Variants in EPAS1 observed in about 807,000 individuals in gnomAD.
EPAS1 encodes the protein endothelial PAS domain-containing protein 1.
Under a neutral mutation model 87.9 loss-of-function variants are expected in EPAS1, and 23 were observed. That is an observed-to-expected ratio of 0.26 (90% CI 0.19 to 0.37). EPAS1 has a LOEUF of 0.37. EPAS1 is among the 10% of genes least tolerant of loss of function. The pLI, the probability that EPAS1 is intolerant of heterozygous loss-of-function variation, is 1.00. For missense variants in EPAS1, 1,138 were observed against 1,120.7 expected, an observed-to-expected ratio of 1.02 and a Z score of -0.22; for synonymous variants, 508 against 444.3, an observed-to-expected ratio of 1.14 and a Z score of -1.80.
intron 14 of EPAS1, 87 bp downstream of exon 14, chr2:46,382,176 C>T (rs1684913831): frequency 7.0e-6 from 9 of 1,286,866 alleles, no homozygotes; most frequent in Non-Finnish European, 8.8e-6. Flanking sequence ...TTCCATTCAC[C>T]ACAGGCCGTA....
chr2:46,377,505 G>A (rs1382882537), intron 9 of EPAS1, among the ~76,000 whole-genome samples: 3 of 152,244 alleles, frequency 2.0e-5, no homozygotes, highest in Non-Finnish European at 4.4e-5. Flanking sequence ...CTGAAACGCA[G>A]CGGGCCCTTG....
At chr2:46,329,253 G>T (rs1393180587) in intron 1 of EPAS1, among the ~76,000 whole-genome samples, 1 of 152,296 alleles carries the variant, frequency 6.6e-6, no homozygotes, top group Non-Finnish European at 1.5e-5. Flanking sequence ...ATCTGGGTGC[G>T]AGGCAACCAC....
Position 46,297,817 on chromosome 2 carries a change from C to T in EPAS1, c.-95C>T. 19 of 1,537,988 alleles carry T rather than the reference C, an allele frequency of 1.2e-5. No homozygotes were observed. The highest frequency in any genetic ancestry group is 1.7e-5 in the Non-Finnish European group (19 of 1,135,896). On this transcript the variant is annotated 5_prime_UTR_variant, in exon 1 of 16. Transcript: ENST00000263734. ...GCGCACCTCGGACCTTCACCACCCG[C>T]CCGGGCCGCGGGGAGCGGACGAGGG...
At chr2:46,353,823 G>A (rs778431256) in intron 2 of EPAS1, among the ~76,000 whole-genome samples, 3 of 152,208 alleles carry the variant, frequency 2.0e-5, no homozygotes, top group Admixed American at 6.5e-5. Flanking sequence ...CAGGCTAGCC[G>A]CCTGAACCAG....
At chr2:46,351,647 T>C (rs769889311) in intron 2 of EPAS1, among the ~76,000 whole-genome samples, 2 of 152,080 alleles carry the variant, frequency 1.3e-5, no homozygotes, top group Non-Finnish European at 2.9e-5. Context: ...AAGGCCCCTG[T>C]GGTGGTCACA....
At chr2:46,333,630 G>A (rs1421712234) in intron 1 of EPAS1, among the ~76,000 whole-genome samples, 2 of 152,126 alleles carry the variant, frequency 1.3e-5, no homozygotes, top group Non-Finnish European at 2.9e-5. Flanking sequence ...TCTGGCTGGA[G>A]TAAGCGTGGA....
intron 2 of EPAS1, among the ~76,000 whole-genome samples, chr2:46,349,656 G>A (rs1457931038): frequency 6.6e-6 from 1 of 152,232 alleles, no homozygotes; most frequent in African/African-American, 2.4e-5. Context: ...GTCCTTGAAG[G>A]AGAAATTCTC....
At chr2:46,299,863 G>A (rs963494381) in intron 1 of EPAS1, among the ~76,000 whole-genome samples, 2 of 152,234 alleles carry the variant, frequency 1.3e-5, no homozygotes, top group African/African-American at 4.8e-5. Context: ...GAAGAACGTT[G>A]CGTAATTAGA....
At chr2:46,364,308 G>A (rs1451560719) in intron 6 of EPAS1, among the ~76,000 whole-genome samples, 3 of 152,162 alleles carry the variant, frequency 2.0e-5, no homozygotes, top group African/African-American at 7.2e-5. Context: ...ATGTATGGCA[G>A]TTAGAATCCA....
At position 46,361,046 on chromosome 2, in the gene EPAS1, G is replaced by A. The variant is rs1188872974; in HGVS notation, c.735G>A (p.Leu245=). The change falls in exon 6 of 16, where the codon CTG becomes CTA. Residue 245 remains leucine (L), a synonymous_variant. Transcript: ENST00000263734. ...MDIPLDSKTF[L]SRHSMDMKFT... is the part of the protein sequence containing the mutation. ...TCCCCCTGGATAGCAAGACCTTCCT[G>A]AGCCGCCACAGCATGGACATGAAGT... The A allele has an allele frequency of 1.9e-6, 3 of 1,614,032 alleles. No homozygotes were observed. The highest frequency in any genetic ancestry group is 3.3e-5 in the Admixed American group (2 of 60,012).
At chr2:46,303,909 T>A (rs543333773) in intron 1 of EPAS1, among the ~76,000 whole-genome samples, 13 of 152,276 alleles carry the variant, frequency 8.5e-5, no homozygotes, top group Admixed American at 7.8e-4. Flanking sequence ...TAGTAAAGGT[T>A]CTGAGGTGCC....
In EPAS1 at chr2:46,380,554, C is replaced by G. The variant is rs1402437703; in HGVS notation, c.1882C>G (p.Leu628Val). 3 of 1,614,068 alleles carry G rather than the reference C, an allele frequency of 1.9e-6. No individual in the cohort carries two copies. The highest frequency in any genetic ancestry group is 1.3e-5 in the African/African-American group (1 of 74,922). The change falls in exon 12 of 16, where the codon CTC becomes GTC. Residue 628 changes from leucine (L) to valine (V), a missense_variant. Physicochemically the swap from Leu to Val is conservative, Grantham distance 32. Around this residue, in one of 4 missense-constraint regions of EPAS1, gnomAD observed 502 missense variants for 427.1 expected, o/e 1.18. Coordinates refer to ENST00000263734, the MANE Select transcript of EPAS1 (RefSeq NM_001430.5). The surrounding 1 kb of genome is among the most constrained non-coding windows in gnomAD (Gnocchi z 4.4). ...GTGCTGTGGCCAGGCCAGCACCCCT[C>G]TCTCTTCCATGGGGGGCAGATCCAA... ...PPCCGQASTP[L>V]SSMGGRSNTQ...
chr2:46,379,061 C>T (rs1684822933), intron 11 of EPAS1, among the ~76,000 whole-genome samples: 1 of 152,232 alleles, frequency 6.6e-6, no homozygotes, highest in South Asian at 2.1e-4. Flanking sequence ...ACAGGCCCTA[C>T]ATTTAACAAG....
intron 1 of EPAS1, among the ~76,000 whole-genome samples, chr2:46,331,674 C>T (rs567016662): frequency 9.2e-5 from 14 of 152,246 alleles, no homozygotes; most frequent in African/African-American, 3.4e-4. Context: ...CAGAAAAGAC[C>T]ACTTCTTAGT....
intron 1 of EPAS1, among the ~76,000 whole-genome samples, chr2:46,340,631 G>A (rs187660506): frequency 6.6e-6 from 1 of 152,202 alleles, no homozygotes; most frequent in African/African-American, 2.4e-5. Context: ...GTGTATTAAA[G>A]CATATTAATG....
intron 2 of EPAS1, among the ~76,000 whole-genome samples, chr2:46,350,151 G>C (rs1055349165): frequency 6.6e-6 from 1 of 152,140 alleles, no homozygotes; most frequent in African/African-American, 2.4e-5. Context: ...TGATGTAAAA[G>C]AAAACCCAGT....
Position 46,360,864 on chromosome 2 carries a change from A to T in EPAS1, c.574-21A>T, listed in dbSNP as rs1208803621. 1 of 1,613,816 alleles carries T rather than the reference A, an allele frequency of 6.2e-7. No homozygotes were observed. The highest frequency in any genetic ancestry group is 8.5e-7 in the Non-Finnish European group (1 of 1,179,888). On this transcript the variant is annotated intron_variant, in intron 5 of 15. Transcript: ENST00000263734. The surrounding 1 kb of genome is among the most constrained non-coding windows in gnomAD (Gnocchi z 4.5). The stretch of plus-strand genomic sequence containing the variant: ...CCCAGCACTCTCGGCTCCATGTCTG[A>T]CCCTTCCACGCCTGTCTCAGGTCTT...
chr2:46,351,551 C>G (rs1325454824), intron 2 of EPAS1, among the ~76,000 whole-genome samples: 1 of 152,122 alleles, frequency 6.6e-6, no homozygotes, highest in South Asian at 2.1e-4. Context: ...CTCTTGCAGT[C>G]TGCACATCCG....
intron 14 of EPAS1, 152 bp downstream of exon 14, chr2:46,382,241 TC>T: frequency 9.5e-7 from 1 of 1,053,186 alleles, no homozygotes; most frequent in Non-Finnish European, 1.4e-6. Context: ...TCTCCCGCAG[TC>T]CCACACACCC....
Sources: allele counts gnomAD v4.1 joint callset (sites outside exome capture counted in the v4.1 genomes callset), GRCh38; gene constraint gnomAD v4.1.1; regional missense constraint gnomAD v4.1.1; non-coding constraint Gnocchi (gnomAD v3.1); transcripts MANE v1.5; gene names NCBI Gene and HGNC (gene_info 2026-07-23, HGNC 2026-07-21).